ARHGAP28: variants seen among roughly 807,000 people sequenced by gnomAD.
ARHGAP28 encodes Rho GTPase activating protein 28, also known as rho GTPase-activating protein 28.
A neutral mutation model predicts 90.7 loss-of-function variants in ARHGAP28; 56 were observed. The ratio of observed to expected loss-of-function variants is 0.62; its 90% confidence interval spans 0.50 to 0.77. The LOEUF is 0.77. Ranked by LOEUF, ARHGAP28 falls within the 30% of genes least tolerant of loss-of-function variation. ARHGAP28 has a pLI of 0.00. For synonymous variants in ARHGAP28, 308 were observed against 323.3 expected (o/e 0.95, Z 0.51); for missense variants, 869 against 900.9 (o/e 0.96, Z 0.45).
intron 1 of ARHGAP28, among the ~76,000 whole-genome samples, chr18:6,822,455 A>C (rs1567958732): frequency 6.6e-6 from 1 of 152,162 alleles, no homozygotes; most frequent in South Asian, 2.1e-4. Flanking sequence ...GTCTTATTGC[A>C]AAAGGAAAAA....
intron 16 of ARHGAP28, chr18:6,898,510 C>T: frequency 1.9e-6 from 3 of 1,614,114 alleles, no homozygotes; most frequent in Non-Finnish European, 2.5e-6. Flanking sequence ...GAAGAGTCGA[C>T]AGAGACCAAC....
chr18:6,894,913 C>T (rs2143768805), intron 15 of ARHGAP28, 22 bp downstream of exon 15: 1 of 1,610,088 alleles, frequency 6.2e-7, no homozygotes, highest in East Asian at 2.2e-5. Context: ...AATTTCTTTT[C>T]CCTTCCATTA....
At chr18:6,895,267 G>A (rs2057296535) in intron 15 of ARHGAP28, among the ~76,000 whole-genome samples, 1 of 152,060 alleles carries the variant, frequency 6.6e-6, no homozygotes, top group Non-Finnish European at 1.5e-5. Flanking sequence ...CTGGGACTTG[G>A]CTCCCACCCA....
intron 1 of ARHGAP28, among the ~76,000 whole-genome samples, chr18:6,763,160 G>A (rs746810451): frequency 2.0e-5 from 3 of 152,118 alleles, no homozygotes; most frequent in East Asian, 1.9e-4. Context: ...GCGTGATCTC[G>A]GCTCACTGCA....
Position 6,912,141 on chromosome 18 carries a change from A to G in ARHGAP28, c.2177A>G (p.Gln726Arg). The change falls in exon 18 of 18, where the codon CAA (glutamine) becomes CGA (arginine). Residue 726 changes from glutamine (Q) to arginine (R), a missense_variant. Transcript: ENST00000383472. ...CAAGCAGAATGGGTGATTAAACCCC[A>G]ACAAAGTTCTTAAAATATCCTCGAG... The part of the protein sequence containing the change: ...NPQAEWVIKP[Q>R]QSS 6.3e-7 allele frequency: 1 copy of G among 1,595,344 alleles called. No individual in the cohort carries two copies. The highest frequency in any genetic ancestry group is 8.6e-7 in the Non-Finnish European group (1 of 1,164,650).
intron 7 of ARHGAP28, 148 bp downstream of exon 7, chr18:6,870,880 A>G (rs2057080649): frequency 3.9e-6 from 3 of 772,784 alleles, no homozygotes; most frequent in Middle Eastern, 4.3e-4. Context: ...GGCTCACTGC[A>G]AGCTCTGCCT....
chr18:6,881,614 C>T lies in ARHGAP28; in HGVS notation c.1291-523C>T, dbSNP rs573470311. On this transcript the variant is annotated intron_variant, in intron 10 of 17. Coordinates refer to ENST00000383472, the MANE Select transcript of ARHGAP28 (RefSeq NM_001366230.1). ...ATGTGTCTGTCTTGGAATAAAACTT[C>T]GCTGTCACTGCTCCAGGAAGATGTC... is the stretch of plus-strand genomic sequence containing the variant. Among the ~76,000 whole-genome samples the T allele has an allele frequency of 4.6e-5, 7 of 152,296 alleles. No homozygotes were observed. In the South Asian group the frequency reaches 8.3e-4, roughly 18 times the overall value.
chr18:6,827,370 C>A (rs2056675227), intron 2 of ARHGAP28, among the ~76,000 whole-genome samples: 1 of 146,862 alleles, frequency 6.8e-6, no homozygotes, highest in Non-Finnish European at 1.5e-5. Flanking sequence ...GGAGGGTTGA[C>A]CCCCCCACCT....
chr18:6,769,802 G>A (rs1248917614), intron 1 of ARHGAP28, among the ~76,000 whole-genome samples: 1 of 152,190 alleles, frequency 6.6e-6, no homozygotes, highest in Non-Finnish European at 1.5e-5. Context: ...TAGGAACCCT[G>A]TACTTACACA....
intron 3 of ARHGAP28, among the ~76,000 whole-genome samples, chr18:6,847,791 G>A (rs546417103): frequency 1.4e-4 from 21 of 152,096 alleles, no homozygotes; most frequent in Non-Finnish European, 2.5e-4. Flanking sequence ...TGGTTTAGAA[G>A]GACTCACAGG....
chr18:6,762,788 A>G (rs2056172195), intron 1 of ARHGAP28, among the ~76,000 whole-genome samples: 1 of 152,062 alleles, frequency 6.6e-6, no homozygotes. Flanking sequence ...GGAGAAACCA[A>G]CGCTGTCAGT....
At chr18:6,880,285 T>C (rs750552106) in intron 10 of ARHGAP28, among the ~76,000 whole-genome samples, 31 of 152,174 alleles carry the variant, frequency 2.0e-4, no homozygotes, top group Non-Finnish European at 3.8e-4. Context: ...TTGAGAATTT[T>C]CCCTCCTGGG....
At chr18:6,799,534 A>T (rs1352112596) in intron 1 of ARHGAP28, among the ~76,000 whole-genome samples, 1 of 152,214 alleles carries the variant, frequency 6.6e-6, no homozygotes, top group African/African-American at 2.4e-5. Context: ...TAAAACAGAT[A>T]TATAGACCAA....
At chr18:6,814,862 C>T (rs73382770) in intron 1 of ARHGAP28, among the ~76,000 whole-genome samples, 18,392 of 152,174 alleles carry the variant, frequency 0.12, 3,172 homozygotes, top group African/African-American at 0.39. Context: ...ACCTAGAGTT[C>T]ACCAAGACTC....
chr18:6,837,170 C>T (rs760542095), intron 2 of ARHGAP28, 27 bp from the exon 3 acceptor site: 1 of 1,503,214 alleles, frequency 6.7e-7, no homozygotes, highest in South Asian at 1.2e-5. Flanking sequence ...AATATTCTAA[C>T]CCTCTCTTGG....
chr18:6,856,170 T>C (rs2056951888), intron 4 of ARHGAP28, among the ~76,000 whole-genome samples: 1 of 152,242 alleles, frequency 6.6e-6, no homozygotes, highest in African/African-American at 2.4e-5. Context: ...CATATTAGTC[T>C]GTTTGCTCTG....
intron 3 of ARHGAP28, among the ~76,000 whole-genome samples, chr18:6,838,858 A>G (rs966384575): frequency 1.3e-5 from 2 of 152,202 alleles, no homozygotes; most frequent in Non-Finnish European, 1.5e-5. Flanking sequence ...GACTTCCACA[A>G]TGTGAGGCAA....
intron 1 of ARHGAP28, among the ~76,000 whole-genome samples, chr18:6,772,890 A>G (rs2056254801): frequency 6.6e-6 from 1 of 151,894 alleles, no homozygotes; most frequent in Non-Finnish European, 1.5e-5. Flanking sequence ...ATAGGCATGC[A>G]TCACCACACT....
chr18:6,865,410 G>T (rs575629158), intron 5 of ARHGAP28, among the ~76,000 whole-genome samples: 1 of 152,262 alleles, frequency 6.6e-6, no homozygotes, highest in African/African-American at 2.4e-5. Context: ...CCTTAAGTTG[G>T]TCTCTGGGGA....
Sources: gnomAD v4.1 joint callset for allele counts (sites outside exome capture counted in the v4.1 genomes callset) on GRCh38, gnomAD v4.1.1 for gene constraint, MANE v1.5 for transcripts, NCBI Gene and HGNC (gene_info 2026-07-23, HGNC 2026-07-21) for gene names.